Variants in SYT14 observed in about 807,000 individuals in gnomAD.
The protein encoded by SYT14 is synaptotagmin-14.
SYT14 carries 32 observed loss-of-function variants against 74.2 expected under a neutral mutation model. The ratio of observed to expected loss-of-function variants is 0.43; its 90% CI spans 0.33 to 0.58. The LOEUF is 0.58. Ranked by LOEUF, SYT14 falls within the 20% of genes least tolerant of loss-of-function variation. The pLI is 0.05. For synonymous variants in SYT14, 298 were observed against 337.7 expected, an observed-to-expected ratio of 0.88 and a Z score of 1.29; for missense variants, 791 against 981.8, an observed-to-expected ratio of 0.81 and a Z score of 2.60.
intron 2 of SYT14, among the ~76,000 whole-genome samples, chr1:209,982,928 G>T (rs1399099687): frequency 1.3e-5 from 2 of 152,106 alleles, no homozygotes; most frequent in Non-Finnish European, 1.5e-5. Context: ...GTCTTAATTT[G>T]CATTACCCTG....
chr1:210,112,876 G>A (rs2082289948), intron 7 of SYT14, among the ~76,000 whole-genome samples: 1 of 151,346 alleles, frequency 6.6e-6, no homozygotes, highest in Non-Finnish European at 1.5e-5. Context: ...GCAAGAGTGA[G>A]GGCTCGAGTC....
intron 5 of SYT14, among the ~76,000 whole-genome samples, chr1:210,080,317 G>T (rs2102477772): frequency 6.6e-6 from 1 of 152,258 alleles, no homozygotes; most frequent in South Asian, 2.1e-4. Flanking sequence ...TCATAATTTA[G>T]AGTCATAATA....
intron 5 of SYT14, among the ~76,000 whole-genome samples, chr1:210,050,314 T>C (rs227173): frequency 0.57 from 86,340 of 152,022 alleles, 26,607 homozygotes; most frequent in African/African-American, 0.81. Flanking sequence ...GCTCTGGTTC[T>C]CAACAAGTTC....
intron 5 of SYT14, among the ~76,000 whole-genome samples, chr1:210,088,610 A>G (rs950725772): frequency 1.3e-5 from 2 of 152,144 alleles, no homozygotes; most frequent in African/African-American, 4.8e-5. Context: ...GTTAGACTGG[A>G]TAAAGAAAAT....
intron 5 of SYT14, among the ~76,000 whole-genome samples, chr1:210,092,505 G>A (rs1371273334): frequency 8.5e-5 from 13 of 152,172 alleles, no homozygotes; most frequent in Admixed American, 8.5e-4. Context: ...TATGGATGGA[G>A]TCAAGTCAGT....
intron 7 of SYT14, among the ~76,000 whole-genome samples, chr1:210,147,284 T>G (rs571287613): frequency 6.6e-6 from 1 of 152,156 alleles, no homozygotes; most frequent in East Asian, 1.9e-4. Flanking sequence ...TATGAAAAAG[T>G]TTTGGAGAGT....
intron 3 of SYT14, 46 bp downstream of exon 3, chr1:210,013,843 A>G (rs1236088141): frequency 6.4e-7 from 1 of 1,556,848 alleles, no homozygotes; most frequent in Non-Finnish European, 8.7e-7. Context: ...TTTTATCCGT[A>G]CTATTATTTA....
rs116759590 is a variant in SYT14, at chr1:210,138,614, C to T, written c.2035-17107C>T. ...TTGTTTAATTTAGTCCTATATATGT[C>T]TGCCAAAAAAATTCTATTAATACTA... is the stretch of plus-strand genomic sequence containing the variant. On this transcript the variant is annotated intron_variant, in intron 7 of 9. Coordinates refer to ENST00000637265, the Ensembl canonical transcript of SYT14. 6.2e-3 allele frequency among the ~76,000 whole-genome samples: 947 copies of T among 152,142 alleles called. 7 individuals are homozygous for T. Among genetic ancestry groups the T allele is most frequent in the African/African-American group, 0.021 (872 of 41,502 alleles).
intron 5 of SYT14, among the ~76,000 whole-genome samples, chr1:210,054,721 C>G (rs1048652365): frequency 2.0e-5 from 3 of 152,122 alleles, no homozygotes; most frequent in African/African-American, 7.2e-5. Context: ...TCTTAGGCCC[C>G]TTAATTTTTC....
Position 210,075,442 on chromosome 1 carries a change from C to G in SYT14, c.1313-18880C>G, listed in dbSNP as rs183528705. ...CTCCACCTCCTGGGTTCAAGTGATTCTCCTGCCTCAGCCTCCTGAGTAGCT... is the reference window on the plus strand; with the variant it reads ...CTCCACCTCCTGGGTTCAAGTGATTGTCCTGCCTCAGCCTCCTGAGTAGCT... On this transcript the variant is annotated intron_variant, in intron 5 of 9. Transcript: ENST00000637265. 7.9e-3 allele frequency among the ~76,000 whole-genome samples: 1,172 copies of G among 148,652 alleles called. 19 individuals carry two copies. Among genetic ancestry groups the G allele is most frequent in the African/African-American group, 0.028 (1,118 of 40,004 alleles).
chr1:209,972,225 T>G (rs979573213), intron 2 of SYT14, among the ~76,000 whole-genome samples: 5 of 152,038 alleles, frequency 3.3e-5, no homozygotes, highest in African/African-American at 1.2e-4. Flanking sequence ...ATATAATTGG[T>G]TGTAATGTCT....
chr1:209,956,287 T>A (rs112426187), intron 2 of SYT14, among the ~76,000 whole-genome samples: 1 of 119,242 alleles, frequency 8.4e-6, no homozygotes, highest in East Asian at 2.8e-4. Flanking sequence ...AAACCCCAAA[T>A]AATGACTCAA....
chr1:209,985,478 C>G (rs2079555319), intron 2 of SYT14, among the ~76,000 whole-genome samples: 3 of 152,216 alleles, frequency 2.0e-5, no homozygotes, highest in African/African-American at 7.2e-5. Context: ...GGGGTCAGCC[C>G]CCACATCTGT....
At chr1:210,151,417 G>A (rs1485291414) in intron 7 of SYT14, among the ~76,000 whole-genome samples, 1 of 151,632 alleles carries the variant, frequency 6.6e-6, no homozygotes, top group African/African-American at 2.4e-5. Context: ...GACAGATCTC[G>A]CTATGTTGCC....
Position 209,990,527 on chromosome 1 carries a change from ATATATATATACGTATATATATG to A in SYT14, c.-485-23080_-485-23059del, listed in dbSNP as rs1374908199. ...TTAAGGATGAAGGAATATTTCACAT[ATATATATATACGTATATATATG>A]TATATATATACGTATATATATGTAT... On this transcript the variant is annotated intron_variant, in intron 2 of 9. Transcript: ENST00000637265. 1.9e-3 allele frequency among the ~76,000 whole-genome samples: 24 copies of A among 12,804 alleles called. 2 individuals are homozygous for A. Among genetic ancestry groups the A allele is most frequent in the African/African-American group, 3.4e-3 (11 of 3,258 alleles). The allele number at this position is 12,804 out of a possible 152,430, so 8.4% of individuals were successfully genotyped here.
chr1:209,981,427 CT>C (rs895881426), intron 2 of SYT14, among the ~76,000 whole-genome samples: 10 of 122,436 alleles, frequency 8.2e-5, no homozygotes, highest in Non-Finnish European at 1.2e-4. Flanking sequence ...TCTTTTCTTT[CT>C]TTTTCTTTTT....
exon 3 of SYT14, chr1:210,013,705 A>G (rs757053082): frequency 3.7e-6 from 6 of 1,612,756 alleles, no homozygotes; most frequent in Non-Finnish European, 5.1e-6. Context: ...CTTTTTCTCT[A>G]TATTAATAAG....
At chr1:209,979,442 T>C (rs1180286748) in intron 2 of SYT14, among the ~76,000 whole-genome samples, 3 of 152,092 alleles carry the variant, frequency 2.0e-5, no homozygotes, top group African/African-American at 7.2e-5. Context: ...AATGGGTCTT[T>C]TTTTTTTCCC....
intron 5 of SYT14, among the ~76,000 whole-genome samples, chr1:210,091,334 C>T (rs1274734422): frequency 1.3e-5 from 2 of 152,056 alleles, no homozygotes; most frequent in Admixed American, 1.3e-4. Flanking sequence ...CAAAAGGAAC[C>T]TCAGAAAAGG....
Sources: gnomAD v4.1 joint callset for allele counts (sites outside exome capture counted in the v4.1 genomes callset) on GRCh38, gnomAD v4.1.1 for gene constraint, MANE v1.5 for transcripts, NCBI Gene and HGNC (gene_info 2026-07-23, HGNC 2026-07-21) for gene names.